ANO6: variants seen among roughly 807,000 people sequenced by gnomAD.
ANO6 encodes the protein anoctamin-6.
ANO6 carries 106 observed loss-of-function variants against 117.5 expected under a neutral mutation model. The observed-to-expected ratio is 0.90, with a 90% confidence interval of 0.77 to 1.06. ANO6 has a LOEUF of 1.06. Among genes scored for constraint, ANO6 ranks in the 50% least tolerant of loss-of-function variants. ANO6 has a pLI of 0.00. For synonymous variants in ANO6, 367 were observed against 385.1 expected, an observed-to-expected ratio of 0.95 and a Z score of 0.55; for missense variants, 955 against 1,121.1, an observed-to-expected ratio of 0.85 and a Z score of 2.12.
At chr12:45,280,113 CT>C (rs1938675306) in intron 1 of ANO6, among the ~76,000 whole-genome samples, 1 of 152,180 alleles carries the variant, frequency 6.6e-6, no homozygotes, top group African/African-American at 2.4e-5. Context: ...ATTTTTTCCC[CT>C]TTTGCCCTCT....
At chr12:45,283,856 G>T (rs1938822576) in intron 1 of ANO6, among the ~76,000 whole-genome samples, 1 of 152,100 alleles carries the variant, frequency 6.6e-6, no homozygotes, top group Admixed American at 6.5e-5. Flanking sequence ...TCCAGCCTGG[G>T]TTTTCCTATC....
rs577812082 is a variant in ANO6, at chr12:45,361,716, C to T, written c.998+4292C>T. Among the ~76,000 whole-genome samples, 4 of 152,122 alleles carry T rather than the reference C, an allele frequency of 2.6e-5. No individual in the cohort carries two copies. In the South Asian group the frequency reaches 6.2e-4, roughly 24 times the overall value. ...ATCATGGAATGATGTTGGATTTTGC[C>T]AGATGCTCTTTCTGTGTCTATTGAC... On this transcript the variant is annotated intron_variant, in intron 8 of 19. Transcript: ENST00000320560.
At chr12:45,318,859 C>A (rs933350729) in intron 2 of ANO6, among the ~76,000 whole-genome samples, 21 of 151,984 alleles carry the variant, frequency 1.4e-4, no homozygotes, top group African/African-American at 5.1e-4. Flanking sequence ...AAGTTGGATT[C>A]CTAGGTATTC....
chr12:45,427,848 AG>A (rs1592056323), intron 19 of ANO6, among the ~76,000 whole-genome samples: 1 of 149,324 alleles, frequency 6.7e-6, no homozygotes, highest in East Asian at 2.0e-4. Flanking sequence ...CTGAGGCAGG[AG>A]AATCGCTTGA....
At chr12:45,240,350 G>GATT (rs1565639002) in intron 1 of ANO6, among the ~76,000 whole-genome samples, 1 of 62,390 alleles carries the variant, frequency 1.6e-5, no homozygotes, top group Non-Finnish European at 3.2e-5. Context: ...TGCAACCCCT[G>GATT]ATTTTTTTTT....
At chr12:45,307,848 G>A (rs1466110193) in intron 2 of ANO6, among the ~76,000 whole-genome samples, 1 of 151,948 alleles carries the variant, frequency 6.6e-6, no homozygotes, top group Admixed American at 6.6e-5. Flanking sequence ...TATAAAGTAG[G>A]AAGGAATGAC....
At chr12:45,232,350 G>C (rs1027604336) in intron 1 of ANO6, among the ~76,000 whole-genome samples, 3 of 152,140 alleles carry the variant, frequency 2.0e-5, no homozygotes, top group Non-Finnish European at 4.4e-5. Flanking sequence ...CTCAAAGTAG[G>C]CAGCCTAGCA....
chr12:45,422,819 ATG>A, intron 18 of ANO6, 136 bp from the exon 19 acceptor site: 3 of 717,572 alleles, frequency 4.2e-6, no homozygotes, highest in Non-Finnish European at 7.6e-6. Flanking sequence ...AGTGATCCAC[ATG>A]CCTCAGCCTC....
intron 2 of ANO6, among the ~76,000 whole-genome samples, chr12:45,319,154 C>T (rs142576470): frequency 0.019 from 2,877 of 152,078 alleles, 73 homozygotes; most frequent in African/African-American, 0.06. Context: ...AACACTATGT[C>T]GAATAGGAGT....
At chr12:45,419,503 A>G (rs946370122) in intron 17 of ANO6, among the ~76,000 whole-genome samples, 2 of 152,222 alleles carry the variant, frequency 1.3e-5, no homozygotes, top group Non-Finnish European at 2.9e-5. Flanking sequence ...CATTTTTCAC[A>G]TCAGAGGAAA....
At chr12:45,320,751 C>G (rs1454328666) in intron 2 of ANO6, among the ~76,000 whole-genome samples, 1 of 152,072 alleles carries the variant, frequency 6.6e-6, no homozygotes, top group Non-Finnish European at 1.5e-5. Context: ...GTGTGGGTGT[C>G]TAAGTCTCTT....
intron 2 of ANO6, among the ~76,000 whole-genome samples, chr12:45,306,179 T>C (rs182699431): frequency 6.6e-6 from 1 of 152,306 alleles, no homozygotes; most frequent in Admixed American, 6.5e-5. Flanking sequence ...TTTTATGATC[T>C]GAGACTGACA....
chr12:45,395,254 A>G (rs948612539), intron 12 of ANO6, among the ~76,000 whole-genome samples: 16 of 152,342 alleles, frequency 1.1e-4, no homozygotes, highest in African/African-American at 3.8e-4. Context: ...AAATGGATAA[A>G]TTCCTGGACA....
chr12:45,421,064 A>G lies in ANO6; in HGVS notation c.2218-7A>G. ...TTCATTTTCGCTTTGTTTTTCTCCCAAAATAGGCCATGATCATAGCTTTCA... is the reference window on the plus strand; with the variant it reads ...TTCATTTTCGCTTTGTTTTTCTCCCGAAATAGGCCATGATCATAGCTTTCA... On this transcript the variant is annotated splice_region_variant and splice_polypyrimidine_tract_variant and intron_variant, in intron 17 of 19. Coordinates refer to ENST00000320560, the MANE Select transcript of ANO6 (RefSeq NM_001025356.3). 6.2e-7 allele frequency: 1 copy of G among 1,613,912 alleles called. No individual in the cohort carries two copies. Among genetic ancestry groups the G allele is most frequent in the Non-Finnish European group, 8.5e-7 (1 of 1,179,888 alleles).
intron 9 of ANO6, among the ~76,000 whole-genome samples, chr12:45,371,020 A>G (rs1196853823): frequency 6.6e-6 from 1 of 152,174 alleles, no homozygotes; most frequent in Non-Finnish European, 1.5e-5. Context: ...GCGCGAGCCG[A>G]AGCAGGGTGA....
chr12:45,322,089 G>A (rs111592391), intron 2 of ANO6, among the ~76,000 whole-genome samples: 4,586 of 152,238 alleles, frequency 0.03, 218 homozygotes, highest in African/African-American at 0.1. Context: ...TGGTAATGCA[G>A]TTAGAAAGGC....
intron 8 of ANO6, among the ~76,000 whole-genome samples, chr12:45,362,991 C>CT (rs541513824): frequency 6.0e-4 from 90 of 150,906 alleles, no homozygotes; most frequent in Admixed American, 2.9e-3. Context: ...TCTATCTCTG[C>CT]TTTTTTTTTC....
intron 8 of ANO6, among the ~76,000 whole-genome samples, chr12:45,362,001 T>G (rs1941568257): frequency 6.6e-6 from 1 of 152,130 alleles, no homozygotes. Context: ...ACCAGTCGCA[T>G]AGAATGAGTT....
At chr12:45,238,421 G>A (rs895731689) in intron 1 of ANO6, among the ~76,000 whole-genome samples, 2 of 152,130 alleles carry the variant, frequency 1.3e-5, no homozygotes, top group African/African-American at 4.8e-5. Context: ...AAAGTGCTGG[G>A]ATTAGAGGTG....
Sources: allele counts gnomAD v4.1 joint callset (sites outside exome capture counted in the v4.1 genomes callset), GRCh38; gene constraint gnomAD v4.1.1; transcripts MANE v1.5; gene names NCBI Gene and HGNC (gene_info 2026-07-23, HGNC 2026-07-21).